Variants in RDX observed in about 807,000 individuals in gnomAD.
RDX encodes the protein deafness, autosomal recessive 24.
Under a neutral mutation model 83.7 loss-of-function variants are expected in RDX, and 32 were observed. That is an observed-to-expected ratio of 0.38 (90% CI 0.29 to 0.51). The LOEUF is 0.51. RDX is among the 20% of genes least tolerant of loss of function. The probability of loss-of-function intolerance (pLI) is 0.87; values close to 1 mark genes in which losing one functional copy is unlikely to be tolerated. For missense variants in RDX, 600 were observed against 689.9 expected, an observed-to-expected ratio of 0.87 and a Z score of 1.46; for synonymous variants, 229 against 222.7, an observed-to-expected ratio of 1.03 and a Z score of -0.25.
intron 1 of RDX, among the ~76,000 whole-genome samples, chr11:110,280,841 C>CA (rs1269960401): frequency 3.4e-5 from 5 of 149,028 alleles, no homozygotes; most frequent in Non-Finnish European, 7.5e-5. Flanking sequence ...AACAAACAAA[C>CA]AAAAAAATGT....
At chr11:110,236,371 A>C in intron 11 of RDX, 180 bp from the exon 12 acceptor site, 1 of 557,154 alleles carries the variant, frequency 1.8e-6, no homozygotes, top group Non-Finnish European at 3.2e-6. Context: ...TTAGGTAATG[A>C]GCTAAGGAGA....
intron 15 of RDX, among the ~76,000 whole-genome samples, chr11:110,190,975 A>G (rs1224816805): frequency 3.3e-5 from 5 of 152,204 alleles, no homozygotes; most frequent in Admixed American, 1.3e-4. Flanking sequence ...GAAAAGCTCT[A>G]GACCAGATGG....
intron 7 of RDX, among the ~76,000 whole-genome samples, chr11:110,257,407 T>G (rs993219485): frequency 6.6e-6 from 1 of 152,124 alleles, no homozygotes; most frequent in Non-Finnish European, 1.5e-5. Context: ...TTATGTATGT[T>G]CAATTTCAAT....
chr11:110,252,781 TTTTTTTA>T (rs1348282950), intron 9 of RDX, among the ~76,000 whole-genome samples: 13 of 78,864 alleles, frequency 1.6e-4, no homozygotes, highest in Middle Eastern at 0.015. Context: ...TCATTACTCT[TTTTTTTA>T]TTTTTATTTT....
intron 15 of RDX, among the ~76,000 whole-genome samples, chr11:110,180,454 C>T (rs1862864288): frequency 6.6e-6 from 1 of 152,150 alleles, no homozygotes; most frequent in African/African-American, 2.4e-5. Context: ...CTGCTGGAGT[C>T]CCCTGTCACC....
At chr11:110,275,462 A>G (rs535147129) in intron 2 of RDX, among the ~76,000 whole-genome samples, 3 of 152,328 alleles carry the variant, frequency 2.0e-5, no homozygotes, top group East Asian at 1.9e-4. Flanking sequence ...GTGCTGTTTT[A>G]TAACACTAAA....
intron 10 of RDX, 38 bp from the exon 11 acceptor site, chr11:110,237,690 T>C: frequency 6.3e-7 from 1 of 1,599,410 alleles, no homozygotes; most frequent in Non-Finnish European, 8.6e-7. Context: ...AGTGATTAAT[T>C]CCAATCATTC....
chr11:110,280,410 GTTT>G (rs1358446578), intron 1 of RDX, among the ~76,000 whole-genome samples: 1 of 152,064 alleles, frequency 6.6e-6, no homozygotes, highest in Non-Finnish European at 1.5e-5. Flanking sequence ...TGCCCAGCTA[GTTT>G]TTTTATTTTA....
chr11:110,237,169 ATTAAT>A (rs1420468285), intron 11 of RDX, among the ~76,000 whole-genome samples: 2 of 150,530 alleles, frequency 1.3e-5, no homozygotes, highest in Non-Finnish European at 1.5e-5. Context: ...ACTATAACAT[ATTAAT>A]TTATCTAAAG....
At chr11:110,199,223 T>C (rs1591505532) in intron 15 of RDX, among the ~76,000 whole-genome samples, 1 of 152,308 alleles carries the variant, frequency 6.6e-6, no homozygotes, top group East Asian at 1.9e-4. Context: ...GGGCTCTTTC[T>C]AAAGGTAAGA....
intron 1 of RDX, among the ~76,000 whole-genome samples, chr11:110,290,211 T>C (rs1861178844): frequency 1.3e-5 from 2 of 152,176 alleles, no homozygotes; most frequent in East Asian, 3.9e-4. Context: ...GGAGTATTAA[T>C]TAACTTATAC....
intron 1 of RDX, 55 bp downstream of exon 1, chr11:110,296,412 G>C (rs977276034): frequency 6.6e-6 from 1 of 151,610 alleles, no homozygotes; most frequent in African/African-American, 2.4e-5. Flanking sequence ...CCACCTTAGC[G>C]TCTCCGGAGG....
chr11:110,268,940 A>T lies in RDX; in HGVS notation c.96+3596T>A, dbSNP rs188907029. On this transcript the variant is annotated intron_variant, in intron 3 of 13. Transcript: ENST00000645495. ...AATACACTATAAAGCATATATTTTT[A>T]AAAATGTTTAAAAATACATATTATA... Among the ~76,000 whole-genome samples the T allele has an allele frequency of 2.2e-3, 326 of 150,172 alleles. 1 individual carries two copies. The highest frequency in any genetic ancestry group is 3.8e-3 in the Non-Finnish European group (255 of 67,640).
intron 14 of RDX, among the ~76,000 whole-genome samples, chr11:110,203,865 T>C (rs1220700364): frequency 6.6e-6 from 1 of 152,110 alleles, no homozygotes; most frequent in East Asian, 1.9e-4. Context: ...AAAAGGAAGT[T>C]TCATAAATCT....
At chr11:110,280,989 A>T (rs1333367608) in intron 1 of RDX, among the ~76,000 whole-genome samples, 1 of 152,046 alleles carries the variant, frequency 6.6e-6, no homozygotes, top group African/African-American at 2.4e-5. Context: ...ACATGGTGAA[A>T]CCCCATCTAT....
intron 10 of RDX, among the ~76,000 whole-genome samples, chr11:110,247,296 T>G (rs1859150746): frequency 6.6e-6 from 1 of 152,192 alleles, no homozygotes; most frequent in South Asian, 2.1e-4. Flanking sequence ...ATAGTCAGAA[T>G]AGCTTAAATT....
At chr11:110,269,794 T>G (rs553231937) in intron 3 of RDX, among the ~76,000 whole-genome samples, 32 of 152,104 alleles carry the variant, frequency 2.1e-4, no homozygotes, top group Middle Eastern at 3.2e-3. Context: ...TCCTGGCACT[T>G]TGGGAGGCCG....
downstream of RDX, among the ~76,000 whole-genome samples, chr11:110,225,102 T>C (rs962919362): frequency 6.6e-6 from 1 of 152,238 alleles, no homozygotes; most frequent in Non-Finnish European, 1.5e-5. Context: ...TTTACTTTCA[T>C]TTCTACAGTC....
intron 5 of RDX, among the ~76,000 whole-genome samples, chr11:110,262,407 A>G (rs1250217843): frequency 6.6e-6 from 1 of 152,120 alleles, no homozygotes; most frequent in African/African-American, 2.4e-5. Context: ...CAACACGGTG[A>G]AACTCCATCT....
Sources: allele counts gnomAD v4.1 joint callset (sites outside exome capture counted in the v4.1 genomes callset), GRCh38; gene constraint gnomAD v4.1.1; transcripts MANE v1.5; gene names NCBI Gene and HGNC (gene_info 2026-07-23, HGNC 2026-07-21).